The following MED17 variants were observed in gnomAD, a reference collection of about 807,000 sequenced individuals.
MED17 encodes the protein mediator complex subunit 17, also known as mediator of RNA polymerase II transcription subunit 17.
Under a neutral mutation model 80.8 loss-of-function variants are expected in MED17, and 49 were observed. The ratio of observed to expected loss-of-function variants is 0.61; its 90% CI spans 0.48 to 0.77. MED17 has a LOEUF of 0.77. Among genes scored for constraint, MED17 ranks in the 30% least tolerant of loss-of-function variants. The pLI is 0.00. For synonymous variants in MED17, 281 were observed against 280.4 expected (o/e 1.00, Z -0.02); for missense variants, 718 against 787.0 (o/e 0.91, Z 1.05).
chr11:93,811,547 T>C (rs1944085716), intron 11 of MED17: 1 of 358,476 alleles, frequency 2.8e-6, no homozygotes, highest in Non-Finnish European at 5.1e-6. Flanking sequence ...CAGTGCTGCA[T>C]GTGGAAACAA....
intron 3 of MED17, 143 bp downstream of exon 3, chr11:93,790,936 A>C (rs558552945): frequency 2.7e-6 from 2 of 742,004 alleles, no homozygotes; most frequent in Admixed American, 2.6e-5. Context: ...GCAAAACCCT[A>C]TCTCTACCAA....
At chr11:93,809,365 C>T (rs1944062552) in intron 10 of MED17, 2 of 362,788 alleles carry the variant, frequency 5.5e-6, no homozygotes, top group Admixed American at 3.8e-5. Context: ...CCACGTGTGT[C>T]AGCCTCCCAG....
rs1251129673 is a variant in MED17 at position 93,807,614 on chromosome 11, A to G, written c.1563A>G (p.Leu521=). The G allele has an allele frequency of 3.7e-6, 6 of 1,609,886 alleles. No individual in the cohort carries two copies. The highest frequency in any genetic ancestry group is 4.3e-6 in the Non-Finnish European group (5 of 1,176,254). The change falls in exon 10 of 12, where the codon CTA becomes CTG. Residue 521 remains leucine (L), a synonymous_variant. Coordinates refer to ENST00000251871, the MANE Select transcript of MED17 (RefSeq NM_004268.5). ...VITLSYQEQE[L]QDFLLSQMSQ... ...CACTGTCTTATCAGGAGCAGGAGCT[A>G]CAGGATTTTCTTCTGTCTCAGGTAA...
intron 10 of MED17, chr11:93,808,320 T>A (rs115204327): frequency 1.4e-5 from 2 of 145,780 alleles, no homozygotes; most frequent in East Asian, 4.1e-4. Context: ...CTATAATTGG[T>A]CCCACTGTAC....
At position 93,811,852 on chromosome 11, in the gene MED17, G is replaced by A; in HGVS notation, c.1745-1G>A. On this transcript the variant is annotated splice_acceptor_variant, in intron 11 of 11. Coordinates refer to ENST00000251871, the MANE Select transcript of MED17 (RefSeq NM_004268.5). LOFTEE classifies it high-confidence loss of function. ...ATTGATATTTTGGTTTTTCTCCACA[G>A]TTCGTAATGGACCTGAAAGTGGCAG... 6.2e-7 allele frequency: 1 copy of A among 1,614,052 alleles called. No homozygotes were observed. The highest frequency in any genetic ancestry group is 8.5e-7 in the Non-Finnish European group (1 of 1,179,954).
intron 6 of MED17, 123 bp downstream of exon 6, chr11:93,795,183 A>G (rs982480380): frequency 4.7e-6 from 5 of 1,061,344 alleles, no homozygotes; most frequent in Non-Finnish European, 4.4e-6. Flanking sequence ...TGTGCTATCC[A>G]TAGTGACAGC....
chr11:93,804,049 A>G (rs1477683898), intron 9 of MED17, among the ~76,000 whole-genome samples: 1 of 147,930 alleles, frequency 6.8e-6, no homozygotes, highest in Non-Finnish European at 1.5e-5. Context: ...ATACACACGC[A>G]CACACACACA....
intron 7 of MED17, chr11:93,796,977 A>G (rs894028636): frequency 8.5e-6 from 2 of 234,322 alleles, no homozygotes; most frequent in Admixed American, 1.0e-4. Flanking sequence ...TCATAGAATT[A>G]TATATTACAG....
At position 93,790,307 on chromosome 11, in the gene MED17, A is replaced by T. The variant is rs544495556; in HGVS notation, c.418-267A>T. ...AGGAGAGGAATGGCAGTACATTAAG[A>T]GGGGACCCTAACAGGCTGGACAGAG... On this transcript the variant is annotated intron_variant, in intron 2 of 11. Coordinates refer to ENST00000251871, the MANE Select transcript of MED17 (RefSeq NM_004268.5). 9.0e-5 allele frequency: 49 copies of T among 543,290 alleles called. No individual in the cohort carries two copies. The East Asian group carries it at 2.0e-3, about 22-fold the overall frequency. The allele number at this position is 543,290 out of a possible 1,614,324, so 33.7% of individuals were successfully genotyped here. A position where few individuals can be genotyped will look rare whatever the true frequency, so the allele number is the denominator to read the frequency against.
chr11:93,802,074 C>A, intron 9 of MED17, 102 bp downstream of exon 9: 2 of 1,066,294 alleles, frequency 1.9e-6, no homozygotes, highest in Non-Finnish European at 2.8e-6. Flanking sequence ...GCTAGGGTGG[C>A]ATAATATTTC....
At chr11:93,803,397 T>C (rs1360785378) in intron 9 of MED17, among the ~76,000 whole-genome samples, 1 of 152,082 alleles carries the variant, frequency 6.6e-6, no homozygotes, top group Non-Finnish European at 1.5e-5. Context: ...GAATACACAA[T>C]GGACAGGAAA....
In MED17 at chr11:93,786,952, C is replaced by T. The variant is rs374469040; in HGVS notation, c.251-1049C>T. Among the ~76,000 whole-genome samples, 15 of 152,010 alleles carry T rather than the reference C, an allele frequency of 9.9e-5. No individual in the cohort carries two copies. In the East Asian group the frequency reaches 2.7e-3, roughly 27 times the overall value. ...GTTAAATACAAGTGGTTAAACATAC[C>T]GTACATCCATGTTCCAGAATATCAT... On this transcript the variant is annotated intron_variant, in intron 1 of 11. Transcript: ENST00000251871.
In MED17 at chr11:93,814,470, T is replaced by G. The variant is rs1001185924; in HGVS notation, c.*2406T>G. On this transcript the variant is annotated 3_prime_UTR_variant, in exon 12 of 12. Transcript: ENST00000251871. ...GTATTAACAGGTTGGCAAGGAGCTG[T>G]GTTTGAATCTTGGCTCTGCTACTGG... 1 of 152,208 alleles carries G rather than the reference T, an allele frequency of 6.6e-6. No individual in the cohort carries two copies. Among genetic ancestry groups the G allele is most frequent in the African/African-American group, 2.4e-5 (1 of 41,460 alleles). 9.4% of individuals were successfully genotyped at this position (152,208 alleles called of 1,614,324 possible).
intron 8 of MED17, among the ~76,000 whole-genome samples, chr11:93,799,561 C>T (rs1376236973): frequency 1.3e-5 from 2 of 152,162 alleles, no homozygotes; most frequent in Non-Finnish European, 2.9e-5. Context: ...GGGCAGATCC[C>T]TCAAGTCCAG....
At chr11:93,811,559 C>CA (rs1223414221) in intron 11 of MED17, 1 of 376,782 alleles carries the variant, frequency 2.7e-6, no homozygotes, top group African/African-American at 2.1e-5. Context: ...TGGAAACAAA[C>CA]AAAAAGATGA....
At chr11:93,796,040 C>A (rs1180343132) in intron 6 of MED17, 1 of 294,044 alleles carries the variant, frequency 3.4e-6, no homozygotes, top group Non-Finnish European at 6.6e-6. Context: ...CTGTCCACTT[C>A]CCGGGTCCAA....
rs771375372 is a variant in MED17 at position 93,801,984 on chromosome 11, A to C, written c.1466+12A>C. On this transcript the variant is annotated intron_variant, in intron 9 of 11. Coordinates refer to ENST00000251871, the MANE Select transcript of MED17 (RefSeq NM_004268.5). ...GAACAAATATGCAAGTAAGTGGCCA[A>C]AATAAAAGTTTTGTATTTAATATGT... The C allele has an allele frequency of 6.2e-7, 1 of 1,608,692 alleles. No individual in the cohort carries two copies. The highest frequency in any genetic ancestry group is 2.2e-5 in the East Asian group (1 of 44,816).
At chr11:93,795,917 A>G (rs1943894193) in intron 6 of MED17, 2 of 165,970 alleles carry the variant, frequency 1.2e-5, no homozygotes, top group African/African-American at 4.8e-5. Context: ...TGAATTGTTA[A>G]AATACGTGGT....
chr11:93,802,004 A>G, intron 9 of MED17, 32 bp downstream of exon 9: 2 of 1,590,502 alleles, frequency 1.3e-6, no homozygotes, highest in Non-Finnish European at 1.7e-6. Context: ...TTTGTATTTA[A>G]TATGTTAATT....
Sources: allele counts gnomAD v4.1 joint callset (sites outside exome capture counted in the v4.1 genomes callset), GRCh38; gene constraint gnomAD v4.1.1; transcripts MANE v1.5; gene names NCBI Gene and HGNC (gene_info 2026-07-23, HGNC 2026-07-21).